LSAMP: variants seen among roughly 807,000 people sequenced by gnomAD.
LSAMP encodes limbic system associated membrane protein, also known as limbic system-associated membrane protein.
A neutral mutation model predicts 38.6 loss-of-function variants in LSAMP; 7 were observed. The ratio of observed to expected loss-of-function variants is 0.18; its 90% CI spans 0.10 to 0.34. LSAMP has a LOEUF of 0.34. Ranked by LOEUF, LSAMP falls within the 10% of genes least tolerant of loss-of-function variation. The pLI is 1.00. For missense variants in LSAMP, 313 were observed against 420.0 expected (o/e 0.75, Z 2.23); for synonymous variants, 154 against 166.8 (o/e 0.92, Z 0.59).
intron 1 of LSAMP, among the ~76,000 whole-genome samples, chr3:116,347,384 C>T (rs1372958231): frequency 2.0e-5 from 3 of 152,108 alleles, no homozygotes; most frequent in Non-Finnish European, 2.9e-5. Flanking sequence ...ACCAGACTTA[C>T]AGGCAAATTA....
chr3:115,935,490 C>T (rs184644047), intron 3 of LSAMP, among the ~76,000 whole-genome samples: 318 of 152,288 alleles, frequency 2.1e-3, no homozygotes, highest in African/African-American at 7.5e-3. Context: ...CTGCTCGTCC[C>T]AGCAGAATGG....
intron 1 of LSAMP, among the ~76,000 whole-genome samples, chr3:116,352,765 T>A (rs1279374546): frequency 6.6e-6 from 1 of 152,114 alleles, no homozygotes; most frequent in Non-Finnish European, 1.5e-5. Flanking sequence ...TTCATATGTA[T>A]TTCACTTCAA....
intron 2 of LSAMP, among the ~76,000 whole-genome samples, chr3:116,056,825 A>G (rs192013018): frequency 1.2e-3 from 179 of 152,280 alleles, no homozygotes; most frequent in Middle Eastern, 6.8e-3. Context: ...ATCTAGATAC[A>G]ATACCATCTG....
At chr3:116,060,532 G>A (rs1350137858) in intron 2 of LSAMP, among the ~76,000 whole-genome samples, 3 of 152,142 alleles carry the variant, frequency 2.0e-5, no homozygotes, top group Non-Finnish European at 4.4e-5. Context: ...AGGCTGAGGC[G>A]GGTGGATCAT....
At chr3:115,977,455 A>G (rs931115926) in intron 3 of LSAMP, among the ~76,000 whole-genome samples, 5 of 152,226 alleles carry the variant, frequency 3.3e-5, no homozygotes, top group Admixed American at 2.6e-4. Context: ...TGGCCCAACC[A>G]CTCTAATTTA....
intron 1 of LSAMP, among the ~76,000 whole-genome samples, chr3:116,234,425 TTTCA>T (rs1246997242): frequency 6.6e-6 from 1 of 152,232 alleles, no homozygotes; most frequent in East Asian, 1.9e-4. Context: ...AGCTTAGAGA[TTTCA>T]TTCATTCATT....
At chr3:115,900,228 A>G (rs568518065) in intron 3 of LSAMP, among the ~76,000 whole-genome samples, 1 of 152,254 alleles carries the variant, frequency 6.6e-6, no homozygotes, top group East Asian at 1.9e-4. Flanking sequence ...TTAAATTGCT[A>G]TTTCAGCTGG....
intron 1 of LSAMP, among the ~76,000 whole-genome samples, chr3:116,326,189 A>G (rs748708073): frequency 8.9e-4 from 135 of 152,106 alleles, no homozygotes; most frequent in Middle Eastern, 3.4e-3. Flanking sequence ...TACCCTGACC[A>G]TGTTCCAGTG....
At chr3:116,038,621 T>C (rs906899148) in intron 2 of LSAMP, among the ~76,000 whole-genome samples, 6 of 152,150 alleles carry the variant, frequency 3.9e-5, no homozygotes, top group Non-Finnish European at 7.3e-5. Flanking sequence ...TTCTCTGAGA[T>C]GTATGCTATA....
chr3:116,321,211 A>G (rs1280620698), intron 1 of LSAMP, among the ~76,000 whole-genome samples: 1 of 151,960 alleles, frequency 6.6e-6, no homozygotes, highest in Non-Finnish European at 1.5e-5. Context: ...TCTACCAAAA[A>G]TTTGTCTTAA....
At position 115,803,935 on chromosome 3, in the gene LSAMP, T is replaced by C. The variant is rs1933573863; in HGVS notation, c.*6382A>G. The stretch of plus-strand genomic sequence containing the variant: ...GTTTCCTTTCTTATGCACAATGTCC[T>C]CATTTGTTACATGCATAATACCCAG... On this transcript the variant is annotated 3_prime_UTR_variant, in exon 7 of 7. Coordinates refer to ENST00000490035, the MANE Select transcript of LSAMP (RefSeq NM_002338.5). 6 of 152,256 alleles carry C rather than the reference T, an allele frequency of 3.9e-5. No individual in the cohort carries two copies. The allele number at this position is 152,256 out of a possible 1,614,324, so 9.4% of individuals were successfully genotyped here.
chr3:116,214,785 G>T (rs948830634), intron 1 of LSAMP, among the ~76,000 whole-genome samples: 1 of 152,144 alleles, frequency 6.6e-6, no homozygotes, highest in Non-Finnish European at 1.5e-5. Flanking sequence ...TTACAGGTGT[G>T]AGTCACCACA....
At chr3:115,849,740 T>A (rs761160229) in intron 4 of LSAMP, among the ~76,000 whole-genome samples, 4 of 152,206 alleles carry the variant, frequency 2.6e-5, no homozygotes, top group Non-Finnish European at 4.4e-5. Flanking sequence ...CTTCATCTAC[T>A]TAATACAACT....
rs561705577 is a variant in LSAMP, at chr3:116,218,733, G to T, written c.156-132177C>A. Among the ~76,000 whole-genome samples the T allele has an allele frequency of 2.0e-4, 31 of 152,188 alleles. 1 individual carries two copies. In the South Asian group the frequency reaches 6.4e-3, roughly 32 times the overall value. ...AGCACACTGAAGCCTCAAATTCCTG[G>T]GCTGAAGTGAACCTCCTGATCCTTC... is the stretch of plus-strand genomic sequence containing the variant. On this transcript the variant is annotated intron_variant, in intron 1 of 6. Coordinates refer to ENST00000490035, the MANE Select transcript of LSAMP (RefSeq NM_002338.5).
chr3:116,227,285 C>A (rs1444504951), intron 1 of LSAMP, among the ~76,000 whole-genome samples: 1 of 152,170 alleles, frequency 6.6e-6, no homozygotes, highest in Non-Finnish European at 1.5e-5. Context: ...TTCAAATTGT[C>A]TTATCTGACC....
At chr3:116,297,097 T>A (rs1386795580) in intron 1 of LSAMP, among the ~76,000 whole-genome samples, 1 of 152,116 alleles carries the variant, frequency 6.6e-6, no homozygotes, top group East Asian at 1.9e-4. Flanking sequence ...TTCTATGGAG[T>A]CTACAAACAA....
At chr3:116,178,237 G>T (rs896285382) in intron 1 of LSAMP, among the ~76,000 whole-genome samples, 1 of 152,130 alleles carries the variant, frequency 6.6e-6, no homozygotes, top group Non-Finnish European at 1.5e-5. Flanking sequence ...CACAATCTCA[G>T]CTTACTGCAA....
intron 1 of LSAMP, among the ~76,000 whole-genome samples, chr3:116,296,002 A>G (rs2047328143): frequency 6.6e-6 from 1 of 152,186 alleles, no homozygotes; most frequent in African/African-American, 2.4e-5. Flanking sequence ...CTAAGTTTAA[A>G]AGTCCATGTC....
intron 2 of LSAMP, among the ~76,000 whole-genome samples, chr3:116,036,826 T>C (rs2107711542): frequency 6.6e-6 from 1 of 152,264 alleles, no homozygotes; most frequent in East Asian, 1.9e-4. Context: ...TGAGGAAATA[T>C]TGTACTAAAA....
Sources: allele counts gnomAD v4.1 joint callset (sites outside exome capture counted in the v4.1 genomes callset), GRCh38; gene constraint gnomAD v4.1.1; transcripts MANE v1.5; gene names NCBI Gene and HGNC (gene_info 2026-07-23, HGNC 2026-07-21).